AHCYL2: variants seen among roughly 807,000 people sequenced by gnomAD.
AHCYL2 encodes the protein S-adenosylhomocysteine hydrolase-like protein 2.
Under a neutral mutation model 81.4 loss-of-function variants are expected in AHCYL2, and 28 were observed. The observed-to-expected ratio is 0.34, with a 90% CI of 0.25 to 0.47. The LOEUF (loss-of-function observed/expected upper bound fraction) is 0.47. Ranked by LOEUF, AHCYL2 falls within the 20% of genes least tolerant of loss-of-function variation. The pLI is 1.00. For missense variants in AHCYL2, 551 were observed against 785.1 expected, an observed-to-expected ratio of 0.70 and a Z score of 3.56; for synonymous variants, 272 against 290.2, an observed-to-expected ratio of 0.94 and a Z score of 0.64.
At chr7:129,330,663 G>T (rs533417380) in intron 1 of AHCYL2, among the ~76,000 whole-genome samples, 1 of 151,216 alleles carries the variant, frequency 6.6e-6, no homozygotes, top group South Asian at 2.1e-4. Flanking sequence ...AGGTTTCACC[G>T]TGTTAGCCAG....
At chr7:129,326,342 C>T (rs1798224516) in intron 1 of AHCYL2, among the ~76,000 whole-genome samples, 1 of 152,030 alleles carries the variant, frequency 6.6e-6, no homozygotes, top group Non-Finnish European at 1.5e-5. Flanking sequence ...GCCTGGCCAA[C>T]ATGGTAAAAC....
chr7:129,350,950 C>G (rs1426718324), intron 1 of AHCYL2, among the ~76,000 whole-genome samples: 2 of 151,158 alleles, frequency 1.3e-5, no homozygotes, highest in Non-Finnish European at 2.9e-5. Context: ...GTGATCCACC[C>G]TCCTCGGCCT....
chr7:129,284,841 G>A (rs1796572142), intron 1 of AHCYL2, among the ~76,000 whole-genome samples: 1 of 152,040 alleles, frequency 6.6e-6, no homozygotes, highest in African/African-American at 2.4e-5. Context: ...TTAAGAAATT[G>A]AAAATGAAAT....
chr7:129,323,873 C>CTTTTT (rs369389755), intron 1 of AHCYL2, among the ~76,000 whole-genome samples: 1 of 131,104 alleles, frequency 7.6e-6, no homozygotes, highest in Non-Finnish European at 1.6e-5. Context: ...GCCCTTTTAG[C>CTTTTT]TTTTTTTTTT....
intron 1 of AHCYL2, among the ~76,000 whole-genome samples, chr7:129,297,790 G>A (rs1035874995): frequency 3.0e-4 from 45 of 152,158 alleles, no homozygotes; most frequent in African/African-American, 1.1e-3. Context: ...GGGAGGCCAA[G>A]GCATGGGAAG....
At chr7:129,382,872 C>T (rs1194975226) in intron 2 of AHCYL2, among the ~76,000 whole-genome samples, 1 of 152,156 alleles carries the variant, frequency 6.6e-6, no homozygotes, top group Non-Finnish European at 1.5e-5. Context: ...TGCCATTGCA[C>T]TCCAGCCTGG....
chr7:129,255,970 CAAAA>C (rs879399847), intron 1 of AHCYL2, among the ~76,000 whole-genome samples: 1 of 140,080 alleles, frequency 7.1e-6, no homozygotes, highest in Non-Finnish European at 1.6e-5. Flanking sequence ...TCTCAAAAAA[CAAAA>C]AAAAAAAGAA....
intron 2 of AHCYL2, among the ~76,000 whole-genome samples, chr7:129,385,827 A>G (rs1363391677): frequency 6.6e-6 from 1 of 152,182 alleles, no homozygotes; most frequent in Non-Finnish European, 1.5e-5. Flanking sequence ...TATGCTGACA[A>G]TTACAAATAT....
Position 129,400,399 on chromosome 7 carries a change from T to C in AHCYL2, c.918+15T>C. 1 of 1,611,686 alleles carries C rather than the reference T, an allele frequency of 6.2e-7. No homozygotes were observed. The highest frequency in any genetic ancestry group is 8.5e-7 in the Non-Finnish European group (1 of 1,178,252). ...AGCCAAACATGGTGGGTCAGATTTC[T>C]GCTAACACAATTCTGTAGGGGTCAG... On this transcript the variant is annotated intron_variant, in intron 6 of 16. Coordinates refer to ENST00000325006, the MANE Select transcript of AHCYL2 (RefSeq NM_015328.4).
intron 1 of AHCYL2, 52 bp from the exon 2 acceptor site, chr7:129,379,586 G>C: frequency 1.4e-6 from 2 of 1,405,612 alleles, no homozygotes; most frequent in African/African-American, 2.9e-5. Context: ...TTGAATTGCT[G>C]TCTCAAAATG....
intron 1 of AHCYL2, among the ~76,000 whole-genome samples, chr7:129,281,072 C>G (rs775422679): frequency 2.0e-5 from 3 of 151,918 alleles, no homozygotes; most frequent in Admixed American, 1.3e-4. Flanking sequence ...ACCATGTTAG[C>G]CAGGATGGTC....
At position 129,225,045 on chromosome 7, in the gene AHCYL2, A is replaced by C. The variant is rs1053720703; in HGVS notation, c.-32A>C. ...GGGGCCGACCAAGAGCAGGAGCTGG[A>C]GTCTGAGCCGGTGGTTGCAGCGGAG... On this transcript the variant is annotated 5_prime_UTR_variant, in exon 1 of 17. Transcript: ENST00000325006. 36 of 1,567,008 alleles carry C rather than the reference A, an allele frequency of 2.3e-5. No homozygotes were observed. The highest frequency in any genetic ancestry group is 3.1e-5 in the Non-Finnish European group (36 of 1,158,396).
At chr7:129,284,162 C>T (rs952044980) in intron 1 of AHCYL2, among the ~76,000 whole-genome samples, 5 of 151,930 alleles carry the variant, frequency 3.3e-5, no homozygotes, top group African/African-American at 4.8e-5. Context: ...AAGTAATAAA[C>T]GAAAGAAAGT....
intron 1 of AHCYL2, among the ~76,000 whole-genome samples, chr7:129,298,856 T>C (rs1286800796): frequency 6.6e-6 from 1 of 152,242 alleles, no homozygotes; most frequent in Non-Finnish European, 1.5e-5. Context: ...CAATCATTAC[T>C]GAATTATACA....
intron 1 of AHCYL2, among the ~76,000 whole-genome samples, chr7:129,236,519 T>C (rs1794650319): frequency 6.6e-6 from 1 of 151,818 alleles, no homozygotes; most frequent in Non-Finnish European, 1.5e-5. Context: ...TTCTGTGTTT[T>C]TTGTAGAGAT....
At position 129,269,054 on chromosome 7, in the gene AHCYL2, G is replaced by A. The variant is rs78646909; in HGVS notation, c.363+43615G>A. ...TATTCTGGACATTTCATATAAATGG[G>A]ATCATAACCATATGTGTAGACCTTT... is the stretch of plus-strand genomic sequence containing the variant. On this transcript the variant is annotated intron_variant, in intron 1 of 16. Transcript: ENST00000325006. Among the ~76,000 whole-genome samples the A allele has an allele frequency of 5.7e-3, 864 of 151,730 alleles. 4 individuals are homozygous for A. Among genetic ancestry groups the A allele is most frequent in the Non-Finnish European group, 9.2e-3 (627 of 67,964 alleles).
At chr7:129,354,945 A>C (rs1275833677) in intron 1 of AHCYL2, among the ~76,000 whole-genome samples, 1 of 151,944 alleles carries the variant, frequency 6.6e-6, no homozygotes, top group African/African-American at 2.4e-5. Flanking sequence ...TTCAGATTCC[A>C]TATTTGCAAA....
chr7:129,328,823 A>G (rs970768157), intron 1 of AHCYL2, among the ~76,000 whole-genome samples: 21 of 151,718 alleles, frequency 1.4e-4, no homozygotes, highest in African/African-American at 4.6e-4. Flanking sequence ...CATACCTAAC[A>G]TTTTTCTTCT....
chr7:129,374,180 A>G (rs1794557860), intron 1 of AHCYL2, among the ~76,000 whole-genome samples: 1 of 152,194 alleles, frequency 6.6e-6, no homozygotes, highest in East Asian at 1.9e-4. Context: ...ACCTAGGACT[A>G]GGACCTTTGG....
Sources: allele counts gnomAD v4.1 joint callset (sites outside exome capture counted in the v4.1 genomes callset), GRCh38; gene constraint gnomAD v4.1.1; transcripts MANE v1.5; gene names NCBI Gene and HGNC (gene_info 2026-07-23, HGNC 2026-07-21).